Variants in PCDHGA8 observed in about 807,000 individuals in gnomAD.
The protein encoded by PCDHGA8 is protocadherin gamma-A8.
In PCDHGA8, 45 loss-of-function variants were observed where a neutral mutation model predicts 59.2. That is an observed-to-expected ratio of 0.76 (90% CI 0.60 to 0.98). The LOEUF (loss-of-function observed/expected upper bound fraction) is 0.98. Among genes scored for constraint, PCDHGA8 ranks in the 50% least tolerant of loss-of-function variants. The pLI is 0.00. For synonymous variants in PCDHGA8, 531 were observed against 519.0 expected (o/e 1.02, Z -0.32); for missense variants, 1,257 against 1,196.2 (o/e 1.05, Z -0.75).
At chr5:141,407,415 A>C (rs1561707597) in intron 1 of PCDHGA8, among the ~76,000 whole-genome samples, 1 of 152,228 alleles carries the variant, frequency 6.6e-6, no homozygotes, top group Non-Finnish European at 1.5e-5. Flanking sequence ...TCGATACCAC[A>C]AAAATGTCTC....
chr5:141,478,092 C>T (rs2099429960), intron 1 of PCDHGA8: 1 of 1,614,156 alleles, frequency 6.2e-7, no homozygotes, highest in Non-Finnish European at 8.5e-7. Flanking sequence ...CTCTCCACCA[C>T]TGCTACCCTC....
intron 1 of PCDHGA8, among the ~76,000 whole-genome samples, chr5:141,481,426 A>T (rs1431602618): frequency 6.6e-6 from 1 of 152,238 alleles, no homozygotes; most frequent in Non-Finnish European, 1.5e-5. Context: ...TGTGATGATG[A>T]TTGTATCAGT....
intron 1 of PCDHGA8, chr5:141,413,602 G>A (rs1561743581): frequency 6.2e-7 from 1 of 1,613,860 alleles, no homozygotes; most frequent in Non-Finnish European, 8.5e-7. Flanking sequence ...AGAAAATCTA[G>A]ACGTAAAAAT....
At chr5:141,438,583 CAT>C (rs1561889590) in intron 1 of PCDHGA8, among the ~76,000 whole-genome samples, 4 of 57,610 alleles carry the variant, frequency 6.9e-5, no homozygotes, top group African/African-American at 3.6e-4. Flanking sequence ...TACATACATA[CAT>C]ACATACATAT....
chr5:141,394,278 TACTC>T lies in PCDHGA8; in HGVS notation c.1466_1469del (p.Tyr489LeufsTer2). 6.2e-7 allele frequency: 1 copy of T among 1,613,924 alleles called. No individual in the cohort carries two copies. The highest frequency in any genetic ancestry group is 2.2e-5 in the East Asian group (1 of 44,888). ...CAGCCAGGAGAATGCCCAGGTCACT[TACTC>T]TGTGACCGAGGACACGCTGCAGGGG... is the stretch of plus-strand genomic sequence containing the variant. On this transcript the variant is annotated frameshift_variant, in exon 1 of 4. Transcript: ENST00000398604. LOFTEE classifies it high-confidence loss of function.
chr5:141,399,373 GT>G, intron 1 of PCDHGA8: 1 of 1,613,982 alleles, frequency 6.2e-7, no homozygotes. Context: ...GGAGTACAAT[GT>G]CACCATCACA....
chr5:141,460,649 A>G (rs1171722531), intron 1 of PCDHGA8, among the ~76,000 whole-genome samples: 2 of 152,152 alleles, frequency 1.3e-5, no homozygotes, highest in Non-Finnish European at 2.9e-5. Flanking sequence ...GTGTTTACAC[A>G]TATGTAACTG....
intron 1 of PCDHGA8, among the ~76,000 whole-genome samples, chr5:141,445,902 T>C (rs1022574381): frequency 3.9e-5 from 6 of 152,186 alleles, no homozygotes; most frequent in Non-Finnish European, 8.8e-5. Context: ...TTAAAATATT[T>C]TAAACAAGGC....
intron 3 of PCDHGA8, chr5:141,507,166 GTCC>G (rs1475125845): frequency 6.6e-5 from 10 of 152,288 alleles, no homozygotes; most frequent in Non-Finnish European, 1.2e-4. Context: ...ATGAGAGGCT[GTCC>G]TCTTCCTCGA....
intron 1 of PCDHGA8, among the ~76,000 whole-genome samples, chr5:141,435,175 C>T (rs1199067294): frequency 6.6e-6 from 1 of 152,030 alleles, no homozygotes; most frequent in East Asian, 1.9e-4. Context: ...TGGCTTTTAA[C>T]TACACTTGAG....
chr5:141,415,423 G>T (rs2154545734), intron 1 of PCDHGA8: 1 of 1,614,204 alleles, frequency 6.2e-7, no homozygotes, highest in Non-Finnish European at 8.5e-7. Context: ...CGTGGACGGG[G>T]TTCGGGCTTT....
Position 141,400,079 on chromosome 5 carries a change from C to G in PCDHGA8, c.2424+4842C>G, listed in dbSNP as rs1377742612. On this transcript the variant is annotated intron_variant, in intron 1 of 3. Coordinates refer to ENST00000398604, the MANE Select transcript of PCDHGA8 (RefSeq NM_032088.2). ...CGTGATGGTGGACAGCCGCCACTCT[C>G]CGCCACCGCCACGCTGCACTTGGTC... 2.5e-6 allele frequency: 4 copies of G among 1,613,924 alleles called. No individual in the cohort carries two copies. In the East Asian group the frequency reaches 6.7e-5, roughly 27 times the overall value.
chr5:141,400,319 C>G (rs762588918), intron 1 of PCDHGA8: 1 of 1,613,974 alleles, frequency 6.2e-7, no homozygotes, highest in African/African-American at 1.3e-5. Context: ...TGTGTCAAGT[C>G]TGGACCTGTG....
At chr5:141,418,077 T>G (rs770464447) in intron 1 of PCDHGA8, 4 of 1,613,914 alleles carry the variant, frequency 2.5e-6, no homozygotes, top group African/African-American at 1.3e-5. Context: ...GCGGAGAAGC[T>G]GCACTTCAGC....
At chr5:141,443,751 A>C (rs1372334547) in intron 1 of PCDHGA8, among the ~76,000 whole-genome samples, 3 of 152,230 alleles carry the variant, frequency 2.0e-5, no homozygotes, top group African/African-American at 7.2e-5. Context: ...GTGAATTGGA[A>C]GCTTACAATA....
Position 141,413,755 on chromosome 5 carries a change from A to T in PCDHGA8, c.2424+18518A>T, listed in dbSNP as rs199577406. On this transcript the variant is annotated intron_variant, in intron 1 of 3. Transcript: ENST00000398604. ...AGTTCAGAGCCGTGCCAATGGCGTC[A>T]AGTACCCGGAGCTGGTACTGGAGCA... 1.6e-4 allele frequency: 266 copies of T among 1,612,936 alleles called. 3 individuals carry two copies. In the South Asian group the frequency reaches 2.3e-3, roughly 14 times the overall value.
Position 141,431,682 on chromosome 5 carries a change from A to C in PCDHGA8, c.2424+36445A>C. The C allele has an allele frequency of 1.2e-6, 2 of 1,614,232 alleles. No homozygotes were observed. Among genetic ancestry groups the C allele is most frequent in the Non-Finnish European group, 1.7e-6 (2 of 1,180,042 alleles). ...ACAATATCAACAATAGGGGAGTTGG[A>C]CCACGAGGAGTCAGGATTCTACCAG... On this transcript the variant is annotated intron_variant, in intron 1 of 3. Transcript: ENST00000398604. The surrounding 1 kb of genome is among the most constrained non-coding windows in gnomAD (Gnocchi z 4.8).
At position 141,431,510 on chromosome 5, in the gene PCDHGA8, G is replaced by T; in HGVS notation, c.2424+36273G>T. On this transcript the variant is annotated intron_variant, in intron 1 of 3. Transcript: ENST00000398604. The surrounding 1 kb of genome is among the most constrained non-coding windows in gnomAD (Gnocchi z 4.8). ...TGCTCAGCCCGAGTACCGCGCGAGC[G>T]TTCCGGAGAATCTGGCCTTGGGCAC... 1 of 1,614,022 alleles carries T rather than the reference G, an allele frequency of 6.2e-7. No individual in the cohort carries two copies. Among genetic ancestry groups the T allele is most frequent in the Non-Finnish European group, 8.5e-7 (1 of 1,180,026 alleles).
Position 141,491,415 on chromosome 5 carries a change from G to GGGT in PCDHGA8, c.2425-3389_2425-3387dup. 1 of 1,614,126 alleles carries GGGT rather than the reference G, an allele frequency of 6.2e-7. No individual in the cohort carries two copies. Among genetic ancestry groups the GGGT allele is most frequent in the Non-Finnish European group, 8.5e-7 (1 of 1,180,034 alleles). ...TTCAGGGAAACGCAGACGGGGACGG[G>GGGT]GGTGGAGGGCAGTGCTGCAGGCGCC... On this transcript the variant is annotated intron_variant, in intron 1 of 3. Transcript: ENST00000398604. The surrounding 1 kb of genome is among the most constrained non-coding windows in gnomAD (Gnocchi z 6.9).
Sources: allele counts gnomAD v4.1 joint callset (sites outside exome capture counted in the v4.1 genomes callset), GRCh38; gene constraint gnomAD v4.1.1; non-coding constraint Gnocchi (gnomAD v3.1); transcripts MANE v1.5; gene names NCBI Gene and HGNC (gene_info 2026-07-23, HGNC 2026-07-21).